CLVS1: variants seen among roughly 807,000 people sequenced by gnomAD.
CLVS1 encodes clavesin-1.
CLVS1 carries 10 observed loss-of-function variants against 33.1 expected under a neutral mutation model. The observed-to-expected ratio is 0.30, with a 90% CI of 0.19 to 0.51. CLVS1 has a LOEUF of 0.51. Among genes scored for constraint, CLVS1 ranks in the 20% least tolerant of loss-of-function variants. CLVS1 has a pLI of 0.97. For missense variants in CLVS1, 343 were observed against 433.4 expected, an observed-to-expected ratio of 0.79 and a Z score of 1.85; for synonymous variants, 163 against 166.1, an observed-to-expected ratio of 0.98 and a Z score of 0.14.
intron 2 of CLVS1, among the ~76,000 whole-genome samples, chr8:61,165,941 T>C (rs1806853548): frequency 1.3e-5 from 2 of 151,680 alleles, no homozygotes; most frequent in South Asian, 4.2e-4. Context: ...CAGCCTTTTG[T>C]GTGCATGTGG....
chr8:61,428,440 T>G (rs1156916299), intron 3 of CLVS1, among the ~76,000 whole-genome samples: 2 of 152,136 alleles, frequency 1.3e-5, no homozygotes, highest in African/African-American at 4.8e-5. Flanking sequence ...AATAGTAACA[T>G]GAAACTAAGT....
intron 2 of CLVS1, among the ~76,000 whole-genome samples, chr8:61,140,695 T>TG (rs1422470652): frequency 1.3e-5 from 2 of 152,162 alleles, no homozygotes; most frequent in African/African-American, 4.8e-5. Context: ...CCCGAGCAGC[T>TG]GGGACTAAGG....
At chr8:61,430,296 A>G (rs1310329116) in intron 3 of CLVS1, among the ~76,000 whole-genome samples, 1 of 152,228 alleles carries the variant, frequency 6.6e-6, no homozygotes, top group Non-Finnish European at 1.5e-5. Flanking sequence ...AATTTTATGG[A>G]ACCATGTGGT....
At position 61,362,277 on chromosome 8, in the gene CLVS1, GGGAAAGAATGTTCTAGGTAGGGAAGAAGA is replaced by G. The variant is rs1309934682; in HGVS notation, c.456-14318_456-14290del. Among the ~76,000 whole-genome samples the G allele has an allele frequency of 4.6e-5, 7 of 152,310 alleles. No individual in the cohort carries two copies. In the East Asian group the frequency reaches 7.7e-4, roughly 17 times the overall value. On this transcript the variant is annotated intron_variant, in intron 2 of 5. Transcript: ENST00000325897. ...GAAAGAGTCAGCCCAAAGTGGAGAA[GGGAAAGAATGTTCTAGGTAGGGAAGAAGA>G]GGAAAGAATATTCCTCATTTCATAC...
intron 2 of CLVS1, among the ~76,000 whole-genome samples, chr8:61,180,922 C>T (rs754134588): frequency 2.0e-5 from 3 of 152,168 alleles, no homozygotes; most frequent in Non-Finnish European, 4.4e-5. Flanking sequence ...CCTTTGAAAA[C>T]CAGCACAGGA....
At chr8:61,023,140 T>C in the CLVS1 span, among the ~76,000 whole-genome samples, 1 of 152,236 alleles carries the variant, frequency 6.6e-6, no homozygotes, top group Admixed American at 6.5e-5. Flanking sequence ...TACTAGGAGA[T>C]GAGGATACTA....
intron 2 of CLVS1, among the ~76,000 whole-genome samples, chr8:61,235,412 G>A (rs908785158): frequency 6.6e-6 from 1 of 152,204 alleles, no homozygotes; most frequent in Non-Finnish European, 1.5e-5. Context: ...ACCTAGTACT[G>A]TGCTATTATC....
At chr8:61,439,116 A>G (rs2129605985) in intron 3 of CLVS1, among the ~76,000 whole-genome samples, 1 of 152,264 alleles carries the variant, frequency 6.6e-6, no homozygotes, top group Admixed American at 6.5e-5. Context: ...TCTCCAAGAG[A>G]CACCATGATC....
At chr8:61,057,003 G>A (rs1278028458), upstream of CLVS1, among the ~76,000 whole-genome samples, 3 of 152,170 alleles carry the variant, frequency 2.0e-5, no homozygotes, top group African/African-American at 7.2e-5. Flanking sequence ...ACTCCACGAA[G>A]ACCCAACTGC....
At position 61,409,826 on chromosome 8, in the gene CLVS1, T is replaced by C. The variant is rs184597957; in HGVS notation, c.630+33047T>C. ...CACTCTTAGATTTTTGACAACCTGA[T>C]AGATGAAAAATGTCACAGTGAAATT... On this transcript the variant is annotated intron_variant, in intron 3 of 5. Coordinates refer to ENST00000325897, the MANE Select transcript of CLVS1 (RefSeq NM_173519.3). Among the ~76,000 whole-genome samples, 435 of 152,318 alleles carry C rather than the reference T, an allele frequency of 2.9e-3. 1 individual carries two copies. The highest frequency in any genetic ancestry group is 9.9e-3 in the African/African-American group (413 of 41,578).
intron 5 of CLVS1, among the ~76,000 whole-genome samples, chr8:61,480,097 C>G (rs7842743): frequency 0.022 from 3,377 of 152,346 alleles, 49 homozygotes; most frequent in South Asian, 0.065. Context: ...AGAACCACTA[C>G]TCTCTTCAAA....
chr8:61,201,548 A>G (rs908329551), intron 2 of CLVS1, among the ~76,000 whole-genome samples: 6 of 152,224 alleles, frequency 3.9e-5, no homozygotes, highest in Non-Finnish European at 5.9e-5. Context: ...GAGGCAGGAC[A>G]TGTTCAAACC....
chr8:60,996,385 T>C, the CLVS1 span, among the ~76,000 whole-genome samples: 1 of 152,212 alleles, frequency 6.6e-6, no homozygotes, highest in Non-Finnish European at 1.5e-5. Context: ...ATGCAATATC[T>C]TTACAAAATG....
At chr8:61,206,105 C>T (rs1487235049) in intron 2 of CLVS1, among the ~76,000 whole-genome samples, 1 of 152,128 alleles carries the variant, frequency 6.6e-6, no homozygotes, top group Non-Finnish European at 1.5e-5. Context: ...AGTTCATTTT[C>T]ATTCTATTCA....
chr8:61,441,428 A>G (rs925786816), intron 3 of CLVS1, among the ~76,000 whole-genome samples: 2 of 152,150 alleles, frequency 1.3e-5, no homozygotes, highest in Non-Finnish European at 2.9e-5. Context: ...AGTTCGTTGT[A>G]TTTGCAACTT....
intron 3 of CLVS1, among the ~76,000 whole-genome samples, chr8:61,443,237 A>G (rs1816633707): frequency 6.6e-6 from 1 of 152,210 alleles, no homozygotes; most frequent in African/African-American, 2.4e-5. Context: ...TAATTTTTGC[A>G]GTAACCAACT....
chr8:60,992,478 G>A, the CLVS1 span, among the ~76,000 whole-genome samples: 1 of 152,228 alleles, frequency 6.6e-6, no homozygotes, highest in African/African-American at 2.4e-5. Flanking sequence ...GAAAGACGTG[G>A]ATGAGACGTA....
chr8:61,162,815 G>T (rs1005794204), intron 2 of CLVS1, among the ~76,000 whole-genome samples: 3 of 152,080 alleles, frequency 2.0e-5, no homozygotes. Flanking sequence ...CTTTTGTCTT[G>T]TTTTATATCT....
chr8:61,158,056 G>A (rs1376014379), intron 2 of CLVS1, among the ~76,000 whole-genome samples: 1 of 152,088 alleles, frequency 6.6e-6, no homozygotes, highest in Non-Finnish European at 1.5e-5. Flanking sequence ...GCCCCAAACT[G>A]GAGACATCCT....
Sources: allele counts gnomAD v4.1 joint callset (sites outside exome capture counted in the v4.1 genomes callset), GRCh38; gene constraint gnomAD v4.1.1; transcripts MANE v1.5; gene names NCBI Gene and HGNC (gene_info 2026-07-23, HGNC 2026-07-21).